Variants in CDH23 observed in about 807,000 individuals in gnomAD.
CDH23 encodes cadherin-23.
Under a neutral mutation model 317.1 loss-of-function variants are expected in CDH23, and 189 were observed. The observed-to-expected ratio is 0.60, with a 90% confidence interval of 0.53 to 0.67. The LOEUF is 0.67. CDH23 is among the 30% of genes least tolerant of loss of function. The probability of loss-of-function intolerance (pLI) is 0.00; values close to 1 mark genes in which losing one functional copy is unlikely to be tolerated. For missense variants in CDH23, 4,401 were observed against 4,592.4 expected, an observed-to-expected ratio of 0.96 and a Z score of 1.20; for synonymous variants, 1,839 against 1,876.8, an observed-to-expected ratio of 0.98 and a Z score of 0.52.
chr10:71,709,846 T>TA (rs1455758528), intron 27 of CDH23, among the ~76,000 whole-genome samples: 5 of 152,010 alleles, frequency 3.3e-5, no homozygotes, highest in Non-Finnish European at 4.4e-5. Flanking sequence ...TAATGGGACT[T>TA]ACAGTTCCAC....
intron 3 of CDH23, among the ~76,000 whole-genome samples, chr10:71,456,408 T>TGCGGCCATA (rs1564591947): frequency 1.3e-5 from 2 of 150,958 alleles, no homozygotes; most frequent in African/African-American, 5.0e-5. Flanking sequence ...TCTAAGGTGA[T>TGCGGCCATA]AGAACAGACT....
chr10:71,451,000 C>T (rs1412782197), intron 3 of CDH23, among the ~76,000 whole-genome samples: 1 of 152,182 alleles, frequency 6.6e-6, no homozygotes, highest in Non-Finnish European at 1.5e-5. Context: ...CTGACCTCCC[C>T]CAGATTCCTG....
In CDH23 at chr10:71,751,796, G is replaced by A. The variant is rs759786059; in HGVS notation, c.4845+9875G>A. 6.3e-7 allele frequency: 1 copy of A among 1,597,850 alleles called. No individual in the cohort carries two copies. The highest frequency in any genetic ancestry group is 8.5e-7 in the Non-Finnish European group (1 of 1,171,982). Reference sequence around the variant, plus strand: ...ATAGGACAGGGGGTGCCTGACTTTGGCCTCGGGTATCCCCTGGGCAGGTGG... The same window carrying A: ...ATAGGACAGGGGGTGCCTGACTTTGACCTCGGGTATCCCCTGGGCAGGTGG... On this transcript the variant is annotated intron_variant, in intron 38 of 69. Transcript: ENST00000224721. The surrounding 1 kb of genome is among the most constrained non-coding windows in gnomAD (Gnocchi z 4.9).
chr10:71,586,932 C>T (rs1169582129), intron 9 of CDH23, among the ~76,000 whole-genome samples: 1 of 152,184 alleles, frequency 6.6e-6, no homozygotes, highest in African/African-American at 2.4e-5. Flanking sequence ...TGGGAGAATA[C>T]TGTAGTTTAT....
chr10:71,521,865 T>A (rs1854707575), intron 6 of CDH23, among the ~76,000 whole-genome samples: 1 of 152,218 alleles, frequency 6.6e-6, no homozygotes. Flanking sequence ...CCTCTTGACC[T>A]TGGCCCAGCC....
intron 11 of CDH23, among the ~76,000 whole-genome samples, chr10:71,622,512 G>A (rs1409857656): frequency 6.6e-6 from 1 of 152,158 alleles, no homozygotes; most frequent in Non-Finnish European, 1.5e-5. Flanking sequence ...TAGCAGAAGG[G>A]GGCGGGGGAC....
In CDH23 at chr10:71,805,930, T is replaced by C; in HGVS notation, c.7997T>C (p.Ile2666Thr). The C allele has an allele frequency of 6.2e-7, 1 of 1,613,226 alleles. No homozygotes were observed. Among genetic ancestry groups the C allele is most frequent in the Non-Finnish European group, 8.5e-7 (1 of 1,179,684 alleles). ...AACCGGGACTGGGAGTTCTTCATCA[T>C]CGACCCAATCAGCGGCCTCATCCAG... Reference protein sequence around the residue: ...AGNRDWEFFIIDPISGLIQTA... With the variant: ...AGNRDWEFFITDPISGLIQTA... The change falls in exon 56 of 70, where the codon ATC (isoleucine) becomes ACC (threonine). Residue 2666 changes from isoleucine to threonine, a missense_variant. This residue lies in a region of CDH23 where 1,144 missense variants were observed against 1,138.2 expected (regional missense o/e 1.01). Coordinates refer to ENST00000224721, the MANE Select transcript of CDH23 (RefSeq NM_022124.6).
At chr10:71,540,640 G>A (rs1324748457) in intron 6 of CDH23, among the ~76,000 whole-genome samples, 1 of 152,094 alleles carries the variant, frequency 6.6e-6, no homozygotes, top group Non-Finnish European at 1.5e-5. Flanking sequence ...GCTAGAGAAG[G>A]TCAGCTCAGG....
chr10:71,609,088 G>T (rs1274962073), intron 9 of CDH23, among the ~76,000 whole-genome samples: 2 of 152,160 alleles, frequency 1.3e-5, no homozygotes, highest in African/African-American at 2.4e-5. Context: ...TGGGAATGAT[G>T]AGATTTGGCA....
chr10:71,759,872 T>C (rs377216131), intron 38 of CDH23, among the ~76,000 whole-genome samples: 55 of 34,864 alleles, frequency 1.6e-3, no homozygotes, highest in African/African-American at 2.4e-3. Context: ...CACATATATA[T>C]ACACACACAC....
intron 6 of CDH23, among the ~76,000 whole-genome samples, chr10:71,530,070 C>CACACACACACAG (rs1855281148): frequency 6.7e-6 from 1 of 150,270 alleles, no homozygotes; most frequent in African/African-American, 2.5e-5. Flanking sequence ...CACACACACA[C>CACACACACACAG]TCTCCCCAGA....
intron 12 of CDH23, among the ~76,000 whole-genome samples, chr10:71,644,513 C>A (rs1222826457): frequency 1.3e-5 from 2 of 152,250 alleles, no homozygotes; most frequent in Non-Finnish European, 2.9e-5. Flanking sequence ...GGGGGTATCA[C>A]TTCCTGATCA....
intron 3 of CDH23, 148 bp from the exon 4 acceptor site, chr10:71,509,934 T>C (rs942937594): frequency 5.1e-6 from 4 of 787,020 alleles, no homozygotes; most frequent in Admixed American, 2.2e-5. Flanking sequence ...AGCTCCCAGA[T>C]GCGCCAGGGC....
rs766615161 is a variant in CDH23, at chr10:71,646,597, A to G, written c.1429A>G (p.Thr477Ala). The change falls in exon 14 of 70, where the codon ACC (threonine) becomes GCC (alanine). Residue 477 changes from threonine to alanine, a missense_variant. Physicochemically the swap from Thr to Ala is moderately conservative, Grantham distance 58. This residue lies in a region of CDH23 where 3,068 missense variants were observed against 3,203.3 expected (regional missense o/e 0.96). Transcript: ENST00000224721. The stretch of plus-strand genomic sequence containing the variant: ...CCTGTACGAGAACGTCACCGTGGGG[A>G]CCTCTGTGCTGACAGTCCTGGTGAG... ...ISLYENVTVG[T>A]SVLTVLATDN... is the part of the protein sequence containing the mutation. 7 of 1,613,490 alleles carry G rather than the reference A, an allele frequency of 4.3e-6. No homozygotes were observed. The African/African-American group carries it at 8.0e-5, about 18-fold the overall frequency.
rs1275595064 is a variant in CDH23, at chr10:71,677,755, T to G, written c.1752+62T>G. 2.2e-6 allele frequency: 3 copies of G among 1,365,570 alleles called. No homozygotes were observed. In the East Asian group the frequency reaches 7.5e-5, roughly 34 times the overall value. 84.6% of individuals were successfully genotyped at this position (1,365,570 alleles called of 1,614,324 possible). ...TCTTAGCCTTCTCCCTGTACTTGCT[T>G]GCTTGCTTCTTTTTTGTTTTTGTTT... On this transcript the variant is annotated intron_variant, in intron 16 of 69. Coordinates refer to ENST00000224721, the MANE Select transcript of CDH23 (RefSeq NM_022124.6).
chr10:71,601,236 C>T (rs1008057504), intron 9 of CDH23, among the ~76,000 whole-genome samples: 4 of 152,232 alleles, frequency 2.6e-5, no homozygotes, highest in Non-Finnish European at 5.9e-5. Flanking sequence ...GCATTAAAGG[C>T]CATGGCTTCA....
chr10:71,764,710 C>T (rs1840487814), intron 38 of CDH23, among the ~76,000 whole-genome samples: 3 of 152,202 alleles, frequency 2.0e-5, no homozygotes, highest in African/African-American at 7.2e-5. Flanking sequence ...CACTCTCTCA[C>T]CGTGGTTTCT....
intron 1 of CDH23, among the ~76,000 whole-genome samples, chr10:71,411,497 T>A (rs1447548423): frequency 2.0e-5 from 3 of 152,166 alleles, no homozygotes; most frequent in African/African-American, 7.2e-5. Context: ...TTATTTATTC[T>A]TATAGGTTAT....
At chr10:71,439,988 G>C in intron 2 of CDH23, 90 bp downstream of exon 2, 3 of 1,015,100 alleles carry the variant, frequency 3.0e-6, no homozygotes, top group Non-Finnish European at 3.0e-6. Flanking sequence ...GTTCATCTTT[G>C]TGCTCTGGGA....
Sources: allele counts gnomAD v4.1 joint callset (sites outside exome capture counted in the v4.1 genomes callset), GRCh38; gene constraint gnomAD v4.1.1; regional missense constraint gnomAD v4.1.1; non-coding constraint Gnocchi (gnomAD v3.1); transcripts MANE v1.5; gene names NCBI Gene and HGNC (gene_info 2026-07-23, HGNC 2026-07-21).